The following FSIP2 variants were observed in gnomAD, a reference collection of about 807,000 sequenced individuals.
The protein encoded by FSIP2 is fibrous sheath interacting protein 2.
FSIP2 carries 367 observed loss-of-function variants against 510.5 expected under a neutral mutation model. That is an observed-to-expected ratio of 0.72 (90% confidence interval 0.66 to 0.78). The LOEUF (loss-of-function observed/expected upper bound fraction) is 0.78. Ranked by LOEUF, FSIP2 falls within the 30% of genes least tolerant of loss-of-function variation. FSIP2 has a pLI of 0.00. For synonymous variants in FSIP2, 2,601 were observed against 2,732.2 expected (o/e 0.95, Z 1.50); for missense variants, 7,594 against 7,901.7 (o/e 0.96, Z 1.48).
chr2:185,792,590 T>C lies in FSIP2; in HGVS notation c.5454T>C (p.Thr1818=). The C allele has an allele frequency of 1.3e-6, 2 of 1,534,076 alleles. No individual in the cohort carries two copies. The highest frequency in any genetic ancestry group is 1.7e-6 in the Non-Finnish European group (2 of 1,145,514). ...NGMPHNVDEP[T]PQTSVQFMDK... is the part of the protein sequence containing the mutation. The stretch of plus-strand genomic sequence containing the variant: ...TGCCTCACAATGTTGATGAGCCAAC[T>C]CCCCAAACATCTGTTCAATTTATGG... Residue 1818 remains threonine (T), a synonymous_variant, in exon 16 of 23, where the codon ACT becomes ACC. Transcript: ENST00000424728.
Position 185,795,770 on chromosome 2 carries a change from T to G in FSIP2, c.8634T>G (p.Tyr2878Ter). ...EISIKAKELE[Y>*]SLSLLNLPPL... ...CAATAAAAGCAAAAGAATTAGAATATTCTCTTTCACTTTTAAATTTGCCCC... is the reference window on the plus strand; with the variant it reads ...CAATAAAAGCAAAAGAATTAGAATAGTCTCTTTCACTTTTAAATTTGCCCC... Residue 2878 changes from tyrosine (Y) to a stop codon, truncating the protein, a stop_gained, in exon 16 of 23, where the codon TAT becomes TAG. Transcript: ENST00000424728. LOFTEE classifies it high-confidence loss of function. 6.5e-7 allele frequency: 1 copy of G among 1,533,658 alleles called. No homozygotes were observed. Among genetic ancestry groups the G allele is most frequent in the Non-Finnish European group, 8.7e-7 (1 of 1,145,066 alleles).
chr2:185,766,272 C>G (rs1158350421), intron 13 of FSIP2: 9 of 151,472 alleles, frequency 5.9e-5, no homozygotes, highest in Non-Finnish European at 1.2e-4. Context: ...GACTTCATGT[C>G]TAAAACACCA....
Position 185,807,526 on chromosome 2 carries a change from C to T in FSIP2, c.18220C>T (p.Gln6074Ter). The T allele has an allele frequency of 1.9e-6, 3 of 1,610,876 alleles. No homozygotes were observed. Among genetic ancestry groups the T allele is most frequent in the Non-Finnish European group, 2.5e-6 (3 of 1,178,074 alleles). The change falls in exon 17 of 23, where the codon CAA becomes TAA. Residue 6074 changes from glutamine (Q) to a stop codon, truncating the protein, a stop_gained. Transcript: ENST00000424728. LOFTEE classifies it high-confidence loss of function. Reference protein sequence around the residue: ...YMTIQYVETLQSDDDEIIQLV... With the variant: ...YMTIQYVETL Reference sequence around the variant, plus strand: ...GACTATACAGTATGTAGAAACCTTACAATCTGATGATGATGAAATTATTCA... The same window carrying T: ...GACTATACAGTATGTAGAAACCTTATAATCTGATGATGATGAAATTATTCA...
At chr2:185,761,172 A>G (rs1444274524) in intron 10 of FSIP2, 69 bp downstream of exon 10, 1 of 594,078 alleles carries the variant, frequency 1.7e-6, no homozygotes, top group African/African-American at 1.9e-5. Flanking sequence ...TATTTCTATG[A>G]ACTCTCTCCT....
At position 185,806,183 on chromosome 2, in the gene FSIP2, T is replaced by C; in HGVS notation, c.16877T>C (p.Leu5626Pro). Residue 5626 changes from leucine to proline, a missense_variant, in exon 17 of 23, where the codon CTC (leucine) becomes CCC (proline). Transcript: ENST00000424728. ...RESSFKKDDK[L>P]FQLSSLKSKR... ...AGCTCATTTAAAAAAGATGACAAGCTCTTTCAGTTATCCTCCTTGAAGTCC... is the reference window on the plus strand; with the variant it reads ...AGCTCATTTAAAAAAGATGACAAGCCCTTTCAGTTATCCTCCTTGAAGTCC... 6.3e-7 allele frequency: 1 copy of C among 1,588,436 alleles called. No individual in the cohort carries two copies. The highest frequency in any genetic ancestry group is 1.2e-5 in the South Asian group (1 of 85,964).
Position 185,828,181 on chromosome 2 carries a change from G to A in FSIP2, c.20499G>A (p.Glu6833=). 5 of 1,581,306 alleles carry A rather than the reference G, an allele frequency of 3.2e-6. No homozygotes were observed. The highest frequency in any genetic ancestry group is 4.3e-6 in the Non-Finnish European group (5 of 1,152,218). The change falls in exon 21 of 23, where the codon GAG becomes GAA. Residue 6833 remains glutamate (E), a synonymous_variant. Transcript: ENST00000424728. ...AAAGTTCTCAGGAACAAAAGCCAGA[G>A]CATGGAAACAGTGTTAAGGTAAGTA... ...LEESSQEQKP[E]HGNSVKFITI...
In FSIP2 at chr2:185,746,773, CAAG is replaced by C; in HGVS notation, c.728_730del (p.Arg243del). ...GAAGAAAGACGACAGCGGGAACACA[CAAG>C]AAGAAAACTTACTCTTCGTAGAAAA... On this transcript the variant is annotated inframe_deletion, in exon 6 of 23. Coordinates refer to ENST00000424728, the MANE Select transcript of FSIP2 (RefSeq NM_173651.4). The C allele has an allele frequency of 1.3e-6, 2 of 1,527,440 alleles. No homozygotes were observed. The highest frequency in any genetic ancestry group is 2.4e-5 in the South Asian group (2 of 82,458). The allele number at this position is 1,527,440 out of a possible 1,614,324, so 94.6% of individuals were successfully genotyped here. A position where few individuals can be genotyped will look rare whatever the true frequency, so the allele number is the denominator to read the frequency against.
At chr2:185,824,113 T>C (rs967397640) in intron 19 of FSIP2, among the ~76,000 whole-genome samples, 1 of 151,798 alleles carries the variant, frequency 6.6e-6, no homozygotes, top group African/African-American at 2.4e-5. Context: ...TTAATTGGTA[T>C]ACAGTTTCAG....
At chr2:185,821,007 G>A (rs1343215864) in intron 19 of FSIP2, among the ~76,000 whole-genome samples, 1 of 48,432 alleles carries the variant, frequency 2.1e-5, no homozygotes, top group Admixed American at 3.3e-4. Flanking sequence ...GAGTTGGTTC[G>A]TTAAAAAAAA....
rs1465903979 is a variant in FSIP2 at position 185,806,059 on chromosome 2, C to T, written c.16753C>T (p.His5585Tyr). ...KKGKDDEIYTHFSLIIDDTEY... is the reference protein window; with the variant it reads ...KKGKDDEIYTYFSLIIDDTEY... The stretch of plus-strand genomic sequence containing the variant: ...AGGGAAAGATGATGAGATATACACA[C>T]ATTTTTCATTAATAATTGATGATAC... Residue 5585 changes from histidine (H) to tyrosine (Y), a missense_variant, in exon 17 of 23, where the codon CAT becomes TAT. Physicochemically the swap from His to Tyr is moderately conservative, Grantham distance 83. Transcript: ENST00000424728. 3 of 1,556,010 alleles carry T rather than the reference C, an allele frequency of 1.9e-6. No individual in the cohort carries two copies. The highest frequency in any genetic ancestry group is 1.7e-4 in the Middle Eastern group (1 of 5,808).
chr2:185,739,215 G>A (rs951257838), intron 1 of FSIP2, 131 bp from the exon 2 acceptor site: 4 of 1,153,346 alleles, frequency 3.5e-6, no homozygotes, highest in African/African-American at 3.2e-5. Flanking sequence ...GAAAACGGGA[G>A]GACTTCAGGA....
At chr2:185,785,438 T>C (rs1692949557) in intron 14 of FSIP2, among the ~76,000 whole-genome samples, 1 of 152,094 alleles carries the variant, frequency 6.6e-6, no homozygotes, top group East Asian at 1.9e-4. Flanking sequence ...GGGGGAAATG[T>C]AAATTTGATC....
At position 185,794,885 on chromosome 2, in the gene FSIP2, G is replaced by A. The variant is rs745447940; in HGVS notation, c.7749G>A (p.Arg2583=). Residue 2583 remains arginine, a synonymous_variant, in exon 16 of 23, where the codon AGG becomes AGA. Coordinates refer to ENST00000424728, the MANE Select transcript of FSIP2 (RefSeq NM_173651.4). ...ATTCCTTACTAATGAAACCATTAAG[G>A]TTTAGAGAAACTAAACAAGCAGGAA... ...HNDSLLMKPL[R]FRETKQAGKI... 1.4e-5 allele frequency: 22 copies of A among 1,534,112 alleles called. No homozygotes were observed. In the South Asian group the frequency reaches 2.1e-4, roughly 15 times the overall value.
chr2:185,826,321 T>C (rs35584976), intron 20 of FSIP2, among the ~76,000 whole-genome samples: 82,640 of 151,682 alleles, frequency 0.54, 22,764 homozygotes, highest in South Asian at 0.64. Context: ...ACATCCTACT[T>C]CCTCTCTAAG....
rs768501656 is a variant in FSIP2 at position 185,788,795 on chromosome 2, A to G, written c.1659A>G (p.Ser553=). The change falls in exon 16 of 23, where the codon TCA becomes TCG. Residue 553 remains serine (S), a synonymous_variant. Transcript: ENST00000424728. ...TATCTGATGACTCCATCCTCTCTTC[A>G]GATAGTTCAAGTTTCTGTAGCACGT... ...YPVSDDSILS[S]DSSSFCSTCS... is the part of the protein sequence containing the mutation. The G allele has an allele frequency of 6.5e-7, 1 of 1,534,612 alleles. No individual in the cohort carries two copies. The highest frequency in any genetic ancestry group is 1.2e-5 in the South Asian group (1 of 84,032).
chr2:185,750,778 A>G (rs1427856588), intron 7 of FSIP2, among the ~76,000 whole-genome samples: 1 of 151,170 alleles, frequency 6.6e-6, no homozygotes, highest in South Asian at 2.1e-4. Flanking sequence ...TTTTTTTGAT[A>G]TACGATGTTT....
Position 185,795,207 on chromosome 2 carries a change from A to G in FSIP2, c.8071A>G (p.Ser2691Gly), listed in dbSNP as rs1163644973. The part of the protein sequence containing the change: ...HLGLSAAKAK[S>G]KTKLGPGEKT... ...AGGACTGAGTGCTGCTAAGGCCAAA[A>G]GCAAAACCAAGTTAGGTCCTGGAGA... is the stretch of plus-strand genomic sequence containing the variant. The change falls in exon 16 of 23, where the codon AGC becomes GGC. Residue 2691 changes from serine to glycine, a missense_variant. Ser to Gly is a moderately conservative substitution (Grantham distance 56, BLOSUM62 0). Transcript: ENST00000424728. 1 of 1,535,072 alleles carries G rather than the reference A, an allele frequency of 6.5e-7. No individual in the cohort carries two copies. Among genetic ancestry groups the G allele is most frequent in the Non-Finnish European group, 8.7e-7 (1 of 1,146,242 alleles).
intron 8 of FSIP2, 64 bp downstream of exon 8, chr2:185,753,906 C>G (rs1191007334): frequency 2.7e-6 from 3 of 1,131,292 alleles, no homozygotes; most frequent in Admixed American, 3.4e-5. Flanking sequence ...TGTAAAAATC[C>G]TTGTGTAATA....
At position 185,790,301 on chromosome 2, in the gene FSIP2, T is replaced by C. The variant is rs1693089410; in HGVS notation, c.3165T>C (p.Pro1055=). The C allele has an allele frequency of 1.3e-6, 2 of 1,533,934 alleles. No individual in the cohort carries two copies. Among genetic ancestry groups the C allele is most frequent in the Non-Finnish European group, 1.7e-6 (2 of 1,145,496 alleles). The change falls in exon 16 of 23, where the codon CCT becomes CCC. Residue 1055 remains proline, a synonymous_variant. Coordinates refer to ENST00000424728, the MANE Select transcript of FSIP2 (RefSeq NM_173651.4). ...CKRNIKPPTK[P]GSRSKAAFHD... ...GAAATATCAAACCACCTACAAAGCC[T>C]GGTTCTAGAAGCAAAGCTGCATTTC...
Sources: gnomAD v4.1 joint callset for allele counts (sites outside exome capture counted in the v4.1 genomes callset) on GRCh38, gnomAD v4.1.1 for gene constraint, MANE v1.5 for transcripts, NCBI Gene and HGNC (gene_info 2026-07-23, HGNC 2026-07-21) for gene names.